ADD3: variants seen among roughly 807,000 people sequenced by gnomAD.
ADD3 encodes adducin 3, also known as gamma-adducin.
A neutral mutation model predicts 80.2 loss-of-function variants in ADD3; 25 were observed. The ratio of observed to expected loss-of-function variants is 0.31; its 90% CI spans 0.23 to 0.44. The LOEUF (loss-of-function observed/expected upper bound fraction) is 0.44, where lower values mean the gene tolerates loss of function less well. ADD3 is among the 20% of genes least tolerant of loss of function. The probability of loss-of-function intolerance (pLI) is 1.00; values close to 1 mark genes in which losing one functional copy is unlikely to be tolerated. For synonymous variants in ADD3, 284 were observed against 289.6 expected (o/e 0.98, Z 0.20); for missense variants, 829 against 847.5 (o/e 0.98, Z 0.27).
intron 1 of ADD3, among the ~76,000 whole-genome samples, chr10:110,078,417 A>G (rs571065761): frequency 1.3e-5 from 2 of 152,358 alleles, no homozygotes; most frequent in East Asian, 1.9e-4. Flanking sequence ...AGTAATTCTT[A>G]TAAGTGACAT....
At chr10:110,048,980 A>G (rs1248868585) in intron 1 of ADD3, among the ~76,000 whole-genome samples, 3 of 152,162 alleles carry the variant, frequency 2.0e-5, no homozygotes, top group Admixed American at 1.3e-4. Flanking sequence ...GGCATGGAGG[A>G]AAAAATGGTT....
At chr10:110,000,016 T>A (rs2133673003) in intron 1 of ADD3, among the ~76,000 whole-genome samples, 1 of 149,776 alleles carries the variant, frequency 6.7e-6, no homozygotes, top group Admixed American at 6.7e-5. Flanking sequence ...GCCTCCTGGG[T>A]TCAAGAGATT....
chr10:110,040,337 A>C (rs1228598083), intron 1 of ADD3, among the ~76,000 whole-genome samples: 1 of 152,190 alleles, frequency 6.6e-6, no homozygotes. Flanking sequence ...CTTTGCCAAG[A>C]CTGGAAGGTG....
At chr10:110,079,854 T>C (rs899379426) in intron 1 of ADD3, among the ~76,000 whole-genome samples, 5 of 152,174 alleles carry the variant, frequency 3.3e-5, no homozygotes, top group African/African-American at 9.7e-5. Context: ...TTCATTCTTT[T>C]TAATGGCTTT....
At chr10:110,105,729 A>G (rs1400742153) in intron 2 of ADD3, among the ~76,000 whole-genome samples, 1 of 152,180 alleles carries the variant, frequency 6.6e-6, no homozygotes, top group South Asian at 2.1e-4. Flanking sequence ...GCGAGGAGAA[A>G]CGTCAAAGGC....
intron 1 of ADD3, among the ~76,000 whole-genome samples, chr10:110,090,402 G>A (rs1391157808): frequency 2.0e-5 from 3 of 151,140 alleles, no homozygotes; most frequent in Admixed American, 2.0e-4. Flanking sequence ...TGTATTTTTA[G>A]TAGAGGTGGG....
At chr10:110,038,714 C>T (rs755865423) in intron 1 of ADD3, among the ~76,000 whole-genome samples, 5 of 152,124 alleles carry the variant, frequency 3.3e-5, no homozygotes, top group Non-Finnish European at 7.4e-5. Context: ...AATTTACCTA[C>T]AGAGTCCAAA....
At chr10:110,062,663 C>T (rs1003289588) in intron 1 of ADD3, among the ~76,000 whole-genome samples, 6 of 152,236 alleles carry the variant, frequency 3.9e-5, no homozygotes, top group Middle Eastern at 3.4e-3. Context: ...AAATGGTAAC[C>T]GATTTTAATA....
intron 1 of ADD3, among the ~76,000 whole-genome samples, chr10:110,027,700 T>C (rs902844233): frequency 1.3e-5 from 2 of 152,162 alleles, no homozygotes; most frequent in Non-Finnish European, 2.9e-5. Context: ...ATTCCTCCAC[T>C]AGCAGTTTTT....
At chr10:110,059,347 C>A (rs958599097) in intron 1 of ADD3, among the ~76,000 whole-genome samples, 2 of 152,158 alleles carry the variant, frequency 1.3e-5, no homozygotes, top group Non-Finnish European at 2.9e-5. Flanking sequence ...TGGCGCATGC[C>A]TGTAATCCCA....
chr10:110,065,539 C>CTTTTTGTTTTTTTTTTTT (rs1843812598), intron 1 of ADD3, among the ~76,000 whole-genome samples: 1 of 31,172 alleles, frequency 3.2e-5, no homozygotes, highest in African/African-American at 8.0e-5. Flanking sequence ...TCTCTCTCCC[C>CTTTTTGTTTTTTTTTTTT]TTTTTTTTTT....
rs1334730174 is a variant in ADD3, at chr10:110,133,851, C to T, written c.*233C>T. On this transcript the variant is annotated 3_prime_UTR_variant, in exon 15 of 15. Transcript: ENST00000356080. ...AATTACTAGTTTTAATTAGCTCTGC[C>T]CTCATGAAGTATTATTATAATTCAC... The T allele has an allele frequency of 5.8e-6, 2 of 343,084 alleles. No homozygotes were observed. Among genetic ancestry groups the T allele is most frequent in the Non-Finnish European group, 1.0e-5 (2 of 191,362 alleles). 21.3% of individuals were successfully genotyped at this position (343,084 alleles called of 1,614,324 possible).
chr10:110,040,553 C>T lies in ADD3; in HGVS notation c.-30+32254C>T, dbSNP rs116992633. ...GATAGTTTTATAGCAAAGATTATGC[C>T]GTGGAGACATATACATACCATGTTG... On this transcript the variant is annotated intron_variant, in intron 1 of 14. Transcript: ENST00000356080. Among the ~76,000 whole-genome samples, 784 of 152,154 alleles carry T rather than the reference C, an allele frequency of 5.2e-3. 3 individuals are homozygous for T. The highest frequency in any genetic ancestry group is 0.01 in the Middle Eastern group (3 of 294).
At chr10:110,105,773 C>T (rs11592561) in intron 2 of ADD3, among the ~76,000 whole-genome samples, 2 of 152,132 alleles carry the variant, frequency 1.3e-5, no homozygotes, top group African/African-American at 4.8e-5. Flanking sequence ...GAAGTAAGGC[C>T]TGAGTGTTAA....
chr10:110,093,510 G>A (rs1847801879), intron 1 of ADD3, among the ~76,000 whole-genome samples: 1 of 152,100 alleles, frequency 6.6e-6, no homozygotes, highest in Non-Finnish European at 1.5e-5. Context: ...TTTGTTAATA[G>A]CTTCTAATTA....
intron 12 of ADD3, among the ~76,000 whole-genome samples, chr10:110,129,413 T>C (rs1852646576): frequency 6.6e-6 from 1 of 152,186 alleles, no homozygotes; most frequent in South Asian, 2.1e-4. Flanking sequence ...CCTTCCAAAG[T>C]GCTGGGATTA....
chr10:110,017,740 G>A (rs766172798), intron 1 of ADD3, among the ~76,000 whole-genome samples: 21 of 152,196 alleles, frequency 1.4e-4, no homozygotes, highest in Non-Finnish European at 2.2e-4. Context: ...TACCAAGTAC[G>A]TTCTGTATAC....
chr10:110,086,303 A>T (rs772084328), intron 1 of ADD3, among the ~76,000 whole-genome samples: 7 of 150,528 alleles, frequency 4.7e-5, no homozygotes, highest in Non-Finnish European at 7.4e-5. Context: ...CCAGCTACTC[A>T]GGAGGCTGAG....
At chr10:110,048,293 G>A (rs1312786006) in intron 1 of ADD3, among the ~76,000 whole-genome samples, 5 of 152,112 alleles carry the variant, frequency 3.3e-5, no homozygotes, top group African/African-American at 1.2e-4. Context: ...TCCAGCCTTG[G>A]GTATGTCTTT....
Sources: allele counts gnomAD v4.1 joint callset (sites outside exome capture counted in the v4.1 genomes callset), GRCh38; gene constraint gnomAD v4.1.1; transcripts MANE v1.5; gene names NCBI Gene and HGNC (gene_info 2026-07-23, HGNC 2026-07-21).